VEPH1: variants seen among roughly 807,000 people sequenced by gnomAD.
VEPH1 encodes the protein ventricular zone-expressed PH domain-containing protein homolog 1.
In VEPH1, 80 loss-of-function variants were observed where a neutral mutation model predicts 85.2. The observed-to-expected ratio is 0.94, with a 90% confidence interval of 0.78 to 1.13. The LOEUF is 1.13. Among genes scored for constraint, VEPH1 ranks in the 50% most tolerant of loss-of-function variants. VEPH1 has a pLI of 0.00. For synonymous variants in VEPH1, 297 were observed against 348.0 expected (o/e 0.85, Z 1.63); for missense variants, 955 against 980.5 (o/e 0.97, Z 0.35).
chr3:157,277,512 T>G (rs1337764562), intron 12 of VEPH1, among the ~76,000 whole-genome samples: 2 of 152,202 alleles, frequency 1.3e-5, no homozygotes, highest in Non-Finnish European at 2.9e-5. Flanking sequence ...CTGGAACATA[T>G]TAAGGTGTTA....
chr3:157,484,606 C>T (rs961675839), intron 2 of VEPH1, among the ~76,000 whole-genome samples: 8 of 152,140 alleles, frequency 5.3e-5, no homozygotes, highest in Non-Finnish European at 8.8e-5. Flanking sequence ...TAAAGCCTCT[C>T]ATTTAAAAAG....
chr3:157,301,515 T>G (rs183374909), intron 11 of VEPH1, among the ~76,000 whole-genome samples: 5 of 152,206 alleles, frequency 3.3e-5, no homozygotes, highest in African/African-American at 1.2e-4. Flanking sequence ...ACCAAACTGC[T>G]TAAAACAGCT....
chr3:157,449,085 A>T (rs4680368), intron 4 of VEPH1, among the ~76,000 whole-genome samples: 43,197 of 152,084 alleles, frequency 0.28, 7,134 homozygotes, highest in African/African-American at 0.45. Context: ...TGAGTCCAAT[A>T]AACATCTTTC....
chr3:157,387,892 T>C lies in VEPH1; in HGVS notation c.907-6516A>G, dbSNP rs1302395132. 3.3e-5 allele frequency among the ~76,000 whole-genome samples: 5 copies of C among 152,228 alleles called. No individual in the cohort carries two copies. The East Asian group carries it at 7.7e-4, about 23-fold the overall frequency. The stretch of plus-strand genomic sequence containing the variant: ...CAGCCAAAGGAGAATCACTGGTCTA[T>C]GTGGAGTCCTAAATCTCTGAGAATT... On this transcript the variant is annotated intron_variant, in intron 6 of 13. Transcript: ENST00000362010.
chr3:157,385,452 T>G (rs762565825), intron 6 of VEPH1, among the ~76,000 whole-genome samples: 1 of 152,266 alleles, frequency 6.6e-6, no homozygotes, highest in African/African-American at 2.4e-5. Context: ...GTTTTTGTTA[T>G]CTGGTTTATA....
intron 1 of VEPH1, among the ~76,000 whole-genome samples, chr3:157,497,034 T>A (rs1739722929): frequency 6.6e-6 from 1 of 152,126 alleles, no homozygotes; most frequent in African/African-American, 2.4e-5. Flanking sequence ...CCTGAGGTAG[T>A]TAAATAACTG....
At chr3:157,478,113 A>C (rs1008102645) in intron 2 of VEPH1, among the ~76,000 whole-genome samples, 37 of 152,134 alleles carry the variant, frequency 2.4e-4, no homozygotes, top group African/African-American at 7.2e-4. Flanking sequence ...TTCTGTGGTC[A>C]AAGGGAATGG....
At chr3:157,326,118 A>G (rs940948591) in intron 9 of VEPH1, among the ~76,000 whole-genome samples, 2 of 152,038 alleles carry the variant, frequency 1.3e-5, no homozygotes, top group Non-Finnish European at 2.9e-5. Context: ...TTCATTCATG[A>G]TTTGGCTCTT....
chr3:157,410,289 T>C (rs183687126), intron 6 of VEPH1, among the ~76,000 whole-genome samples: 401 of 152,238 alleles, frequency 2.6e-3, no homozygotes, highest in Non-Finnish European at 4.9e-3. Flanking sequence ...CCATGTTTCA[T>C]TGTCTCCCCA....
intron 6 of VEPH1, among the ~76,000 whole-genome samples, chr3:157,397,462 T>A (rs1438988288): frequency 6.6e-6 from 1 of 152,246 alleles, no homozygotes; most frequent in African/African-American, 2.4e-5. Flanking sequence ...TCTAATTCTG[T>A]GAAGAATGTT....
chr3:157,281,101 TGA>T (rs1553756525), intron 12 of VEPH1, among the ~76,000 whole-genome samples: 45 of 148,450 alleles, frequency 3.0e-4, no homozygotes, highest in Admixed American at 8.7e-4. Flanking sequence ...TGTGTGTGTG[TGA>T]GAGAGAGAGA....
At position 157,413,989 on chromosome 3, in the gene VEPH1, T is replaced by G. The variant is rs763945145; in HGVS notation, c.798A>C (p.Pro266=). The G allele has an allele frequency of 3.7e-6, 6 of 1,613,592 alleles. No individual in the cohort carries two copies. The South Asian group carries it at 4.4e-5, about 12-fold the overall frequency. The change falls in exon 6 of 14, where the codon CCA becomes CCC. Residue 266 remains proline (P), a synonymous_variant. Coordinates refer to ENST00000362010, the MANE Select transcript of VEPH1 (RefSeq NM_001167912.2). ...TTGGAAGAAAACTGTTCAAAGCCAC[T>G]GGCTCATAGACTGCTATCTCTATGA... is the stretch of plus-strand genomic sequence containing the variant. The part of the protein sequence containing the change: ...NILIEIAVYE[P]VALNSFLPML...
intron 1 of VEPH1, among the ~76,000 whole-genome samples, chr3:157,498,901 G>A (rs1739883904): frequency 6.6e-6 from 1 of 152,164 alleles, no homozygotes; most frequent in Admixed American, 6.5e-5. Flanking sequence ...GTACACACAA[G>A]CATACCATAT....
At chr3:157,474,574 A>C (rs1263143932) in intron 2 of VEPH1, among the ~76,000 whole-genome samples, 1 of 152,218 alleles carries the variant, frequency 6.6e-6, no homozygotes, top group African/African-American at 2.4e-5. Flanking sequence ...TGCCTAGTAC[A>C]TAGAGTATAC....
chr3:157,377,341 GA>G (rs1001458326), intron 7 of VEPH1, among the ~76,000 whole-genome samples: 1 of 148,968 alleles, frequency 6.7e-6, no homozygotes, highest in Non-Finnish European at 1.5e-5. Context: ...AAAAAAAAAA[GA>G]TATTTAAAAT....
intron 6 of VEPH1, among the ~76,000 whole-genome samples, chr3:157,408,097 T>G (rs1357215664): frequency 6.6e-6 from 1 of 152,164 alleles, no homozygotes; most frequent in African/African-American, 2.4e-5. Context: ...CTGCTCAGTC[T>G]ACAGTGGTGA....
chr3:157,324,605 A>G (rs1489143935), intron 9 of VEPH1, among the ~76,000 whole-genome samples: 1 of 150,938 alleles, frequency 6.6e-6, no homozygotes, highest in Non-Finnish European at 1.5e-5. Flanking sequence ...CTGTTCCTGC[A>G]TTAGTTTGCT....
intron 5 of VEPH1, among the ~76,000 whole-genome samples, chr3:157,424,871 T>A (rs1213440092): frequency 6.6e-6 from 1 of 152,218 alleles, no homozygotes; most frequent in African/African-American, 2.4e-5. Flanking sequence ...AAACCCATTT[T>A]CTGAGGAGAA....
chr3:157,283,619 C>T (rs2108357002), intron 12 of VEPH1, among the ~76,000 whole-genome samples: 1 of 152,276 alleles, frequency 6.6e-6, no homozygotes, highest in East Asian at 1.9e-4. Flanking sequence ...TTGACCATGT[C>T]AGTAAGCTGA....
Sources: allele counts gnomAD v4.1 joint callset (sites outside exome capture counted in the v4.1 genomes callset), GRCh38; gene constraint gnomAD v4.1.1; transcripts MANE v1.5; gene names NCBI Gene and HGNC (gene_info 2026-07-23, HGNC 2026-07-21).